Variants in RBFOX3 observed in about 807,000 individuals in gnomAD.
The protein encoded by RBFOX3 is RNA binding protein fox-1 homolog 3.
RBFOX3 carries 17 observed loss-of-function variants against 48.7 expected under a neutral mutation model. The observed-to-expected ratio is 0.35, with a 90% CI of 0.24 to 0.52. The LOEUF is 0.52. RBFOX3 is among the 20% of genes least tolerant of loss of function. The pLI, the probability that RBFOX3 is intolerant of heterozygous loss-of-function variation, is 0.94. For synonymous variants in RBFOX3, 212 were observed against 209.5 expected (o/e 1.01, Z -0.10); for missense variants, 382 against 497.5 (o/e 0.77, Z 2.21).
At chr17:79,306,555 A>G (rs897591) in intron 3 of RBFOX3, among the ~76,000 whole-genome samples, 149,189 of 152,332 alleles carry the variant, frequency 0.98, 73,154 homozygotes, top group East Asian at 1. Flanking sequence ...GCAGCCTCTG[A>G]GCCTGGGAGA....
intron 1 of RBFOX3, among the ~76,000 whole-genome samples, chr17:79,522,465 G>A (rs1207664754): frequency 1.3e-5 from 2 of 152,134 alleles, no homozygotes; most frequent in Non-Finnish European, 2.9e-5. Context: ...CCACCCCTGA[G>A]CTAACTTTTA....
chr17:79,597,694 C>A lies in RBFOX3; in HGVS notation c.-320+13132G>T, dbSNP rs933003197. Among the ~76,000 whole-genome samples the A allele has an allele frequency of 8.9e-4, 135 of 152,300 alleles. 1 individual carries two copies. Among genetic ancestry groups the A allele is most frequent in the African/African-American group, 3.1e-3 (130 of 41,570 alleles). Reference sequence around the variant, plus strand: ...TGCATCCACGGTCACCTACTAAGTACCCCCCATAGGTAGGGGTTGGCTCCT... The same window carrying A: ...TGCATCCACGGTCACCTACTAAGTAACCCCCATAGGTAGGGGTTGGCTCCT... On this transcript the variant is annotated intron_variant, in intron 1 of 14. Transcript: ENST00000693108.
At chr17:79,159,993 C>T (rs1361111057) in intron 4 of RBFOX3, among the ~76,000 whole-genome samples, 1 of 152,202 alleles carries the variant, frequency 6.6e-6, no homozygotes, top group South Asian at 2.1e-4. Flanking sequence ...GAAGTGCAGA[C>T]AAAACGGAGG....
At chr17:79,174,625 C>T (rs2050138005) in intron 4 of RBFOX3, among the ~76,000 whole-genome samples, 2 of 151,898 alleles carry the variant, frequency 1.3e-5, no homozygotes, top group African/African-American at 4.8e-5. Context: ...ATCCACAATG[C>T]AGTCGCTTAC....
At chr17:79,634,609 C>T in the RBFOX3 span, among the ~76,000 whole-genome samples, 1 of 152,292 alleles carries the variant, frequency 6.6e-6, no homozygotes, top group East Asian at 1.9e-4. Flanking sequence ...AAGCATGAGG[C>T]ACAGAGGGTC....
chr17:79,107,013 A>G (rs1206605499), intron 5 of RBFOX3, among the ~76,000 whole-genome samples: 1 of 152,160 alleles, frequency 6.6e-6, no homozygotes, highest in Non-Finnish European at 1.5e-5. Flanking sequence ...GCCTTCGCCC[A>G]AACTGTGCAG....
chr17:79,108,877 G>A (rs1327270536), intron 5 of RBFOX3, among the ~76,000 whole-genome samples: 1 of 152,264 alleles, frequency 6.6e-6, no homozygotes, highest in Non-Finnish European at 1.5e-5. Context: ...CAGTGGGGCA[G>A]GCTGGGAGTG....
At chr17:79,411,084 A>C (rs532909249) in intron 2 of RBFOX3, among the ~76,000 whole-genome samples, 1 of 152,246 alleles carries the variant, frequency 6.6e-6, no homozygotes, top group African/African-American at 2.4e-5. Flanking sequence ...AAATAAAAAC[A>C]GCAACAGGAA....
intron 2 of RBFOX3, among the ~76,000 whole-genome samples, chr17:79,411,400 C>A (rs371234987): frequency 6.6e-6 from 1 of 152,152 alleles, no homozygotes; most frequent in Non-Finnish European, 1.5e-5. Context: ...GGACCCAGGG[C>A]CTCTGCACGC....
At chr17:79,650,985 G>C in the RBFOX3 span, among the ~76,000 whole-genome samples, 1 of 152,220 alleles carries the variant, frequency 6.6e-6, no homozygotes, top group Non-Finnish European at 1.5e-5. Context: ...CTCGCCTGAG[G>C]TGGGGCATAA....
At chr17:79,457,401 G>A (rs1242262689) in intron 2 of RBFOX3, among the ~76,000 whole-genome samples, 1 of 152,134 alleles carries the variant, frequency 6.6e-6, no homozygotes, top group African/African-American at 2.4e-5. Flanking sequence ...ATGGGGGTAC[G>A]GCCTTTCTAA....
chr17:79,160,674 T>A (rs1264699930), intron 4 of RBFOX3, among the ~76,000 whole-genome samples: 1 of 152,196 alleles, frequency 6.6e-6, no homozygotes, highest in African/African-American at 2.4e-5. Flanking sequence ...ATTCATTCAT[T>A]CATTTTTTTC....
At chr17:79,280,250 CAT>C (rs1345945962) in intron 3 of RBFOX3, among the ~76,000 whole-genome samples, 4 of 141,508 alleles carry the variant, frequency 2.8e-5, no homozygotes, top group Admixed American at 7.1e-5. Flanking sequence ...CACACACACA[CAT>C]GCACACACCC....
Position 79,103,233 on chromosome 17 carries a change from C to G in RBFOX3, c.436G>C (p.Glu146Gln), listed in dbSNP as rs1340183543. Residue 146 changes from glutamate to glutamine, a missense_variant, in exon 8 of 15, where the codon GAA (glutamate) becomes CAA (glutamine). Glu to Gln is a conservative substitution (Grantham distance 29, BLOSUM62 2). Around this residue, in one of 3 missense-constraint regions of RBFOX3, gnomAD observed 49 missense variants for 110.7 expected, o/e 0.44. Transcript: ENST00000693108. This position sits in a 1 kb window ranked among gnomAD's most constrained non-coding sequence, Gnocchi z 6.1. Reference protein sequence around the residue: ...GSKGFGFVTFETSSDADRARE... With the variant: ...GSKGFGFVTFQTSSDADRARE... Reference sequence around the variant, plus strand: ...GCTCGGTCAGCATCTGAGCTAGTTTCAAAAGTTACAAACCCAAAACCCTGT... The same window carrying G: ...GCTCGGTCAGCATCTGAGCTAGTTTGAAAAGTTACAAACCCAAAACCCTGT... 42 of 1,550,834 alleles carry G rather than the reference C, an allele frequency of 2.7e-5. No homozygotes were observed. The Admixed American group carries it at 8.2e-4, about 30-fold the overall frequency.
At chr17:79,585,979 C>G (rs2144943603) in intron 1 of RBFOX3, among the ~76,000 whole-genome samples, 1 of 152,374 alleles carries the variant, frequency 6.6e-6, no homozygotes, top group African/African-American at 2.4e-5. Context: ...CTTCCCATCT[C>G]CCAGGCTGGG....
At chr17:79,283,776 C>T (rs917215329) in intron 3 of RBFOX3, among the ~76,000 whole-genome samples, 3 of 152,252 alleles carry the variant, frequency 2.0e-5, no homozygotes, top group African/African-American at 4.8e-5. Flanking sequence ...CTCCAGCCAT[C>T]CTGTTTCTTT....
At chr17:79,221,320 T>A (rs958433574) in intron 4 of RBFOX3, among the ~76,000 whole-genome samples, 2 of 152,264 alleles carry the variant, frequency 1.3e-5, no homozygotes, top group African/African-American at 4.8e-5. Context: ...GACTTCTTTC[T>A]ATGGTTCTCA....
At chr17:79,416,673 A>G (rs1394737310) in intron 2 of RBFOX3, among the ~76,000 whole-genome samples, 1 of 151,428 alleles carries the variant, frequency 6.6e-6, no homozygotes, top group African/African-American at 2.4e-5. Context: ...CCCCGCACCC[A>G]CCCCTCCAGG....
At chr17:79,109,355 C>A (rs770913385) in intron 5 of RBFOX3, among the ~76,000 whole-genome samples, 20 of 152,316 alleles carry the variant, frequency 1.3e-4, no homozygotes, top group Non-Finnish European at 2.5e-4. Flanking sequence ...CCTGGTCTGG[C>A]TGGCATCACG....
Sources: allele counts gnomAD v4.1 joint callset (sites outside exome capture counted in the v4.1 genomes callset), GRCh38; gene constraint gnomAD v4.1.1; regional missense constraint gnomAD v4.1.1; non-coding constraint Gnocchi (gnomAD v3.1); transcripts MANE v1.5; gene names NCBI Gene and HGNC (gene_info 2026-07-23, HGNC 2026-07-21).